RIT2: variants seen among roughly 807,000 people sequenced by gnomAD.
RIT2 encodes the protein Ras like without CAAX 2.
In RIT2, 24 loss-of-function variants were observed where a neutral mutation model predicts 23.7. The ratio of observed to expected loss-of-function variants is 1.01; its 90% CI spans 0.73 to 1.43. The LOEUF is 1.43. Among genes scored for constraint, RIT2 ranks in the 40% most tolerant of loss-of-function variants. RIT2 has a pLI of 0.00. For synonymous variants in RIT2, 107 were observed against 91.1 expected, an observed-to-expected ratio of 1.17 and a Z score of -0.99; for missense variants, 236 against 266.9, an observed-to-expected ratio of 0.88 and a Z score of 0.81.
At chr18:43,083,335 T>A (rs1378479616) in intron 1 of RIT2, among the ~76,000 whole-genome samples, 1 of 152,046 alleles carries the variant, frequency 6.6e-6, no homozygotes, top group Non-Finnish European at 1.5e-5. Flanking sequence ...ATGCTAGACT[T>A]ATCAAGCTAC....
At chr18:42,949,799 TA>T (rs1010624442) in intron 3 of RIT2, among the ~76,000 whole-genome samples, 1 of 151,190 alleles carries the variant, frequency 6.6e-6, no homozygotes, top group Non-Finnish European at 1.5e-5. Context: ...TTTGGTTGAA[TA>T]AAAAAAAATA....
At chr18:42,878,597 G>A (rs1390417487) in intron 4 of RIT2, among the ~76,000 whole-genome samples, 2 of 146,676 alleles carry the variant, frequency 1.4e-5, no homozygotes, top group Non-Finnish European at 3.0e-5. Context: ...GTGTGTGTGT[G>A]TATGTGTGTA....
intron 4 of RIT2, among the ~76,000 whole-genome samples, chr18:42,853,636 T>C (rs1907112648): frequency 6.6e-6 from 1 of 152,214 alleles, no homozygotes; most frequent in Non-Finnish European, 1.5e-5. Context: ...TATTATAATT[T>C]TTATTTGGTC....
chr18:42,905,353 A>G (rs1173789105), intron 4 of RIT2, among the ~76,000 whole-genome samples: 1 of 152,222 alleles, frequency 6.6e-6, no homozygotes, highest in African/African-American at 2.4e-5. Context: ...GTACCTGTAT[A>G]CCTGTAAAAC....
chr18:42,908,913 T>C (rs1908694019), intron 4 of RIT2, among the ~76,000 whole-genome samples: 1 of 152,138 alleles, frequency 6.6e-6, no homozygotes. Flanking sequence ...GAAAACGGTA[T>C]GGTGATTCCT....
intron 4 of RIT2, among the ~76,000 whole-genome samples, chr18:42,772,887 G>A (rs1298992347): frequency 6.6e-6 from 1 of 152,104 alleles, no homozygotes; most frequent in Non-Finnish European, 1.5e-5. Flanking sequence ...TATACATGTT[G>A]CTGCTGCTGC....
At position 43,051,572 on chromosome 18, in the gene RIT2, C is replaced by T. The variant is rs772414281; in HGVS notation, c.104-17705G>A. Among the ~76,000 whole-genome samples, 12 of 151,858 alleles carry T rather than the reference C, an allele frequency of 7.9e-5. No homozygotes were observed. In the East Asian group the frequency reaches 2.1e-3, roughly 27 times the overall value. On this transcript the variant is annotated intron_variant, in intron 1 of 4. Transcript: ENST00000326695. ...AAATTGGACATGTGTGTCTAGAGAT[C>T]GGGAGATGATCCCTCAAATCTTTTC...
chr18:42,941,046 G>A (rs891168485), intron 3 of RIT2, among the ~76,000 whole-genome samples: 8 of 152,180 alleles, frequency 5.3e-5, no homozygotes, highest in Admixed American at 5.2e-4. Context: ...CATGTTGTTT[G>A]GCTTTCTGAC....
At chr18:42,921,600 C>T (rs1173464292) in intron 4 of RIT2, among the ~76,000 whole-genome samples, 1 of 152,038 alleles carries the variant, frequency 6.6e-6, no homozygotes, top group Non-Finnish European at 1.5e-5. Context: ...AAATGTCAGC[C>T]AGCTTTGGAG....
chr18:42,775,407 C>T (rs1156351785), intron 4 of RIT2, among the ~76,000 whole-genome samples: 1 of 152,068 alleles, frequency 6.6e-6, no homozygotes, highest in Non-Finnish European at 1.5e-5. Context: ...TTAATAAATG[C>T]CATACCCGGC....
intron 3 of RIT2, among the ~76,000 whole-genome samples, chr18:42,969,335 A>C (rs994475648): frequency 6.6e-6 from 1 of 152,252 alleles, no homozygotes; most frequent in African/African-American, 2.4e-5. Context: ...ATAAGCCACA[A>C]ACTGGGGAAG....
chr18:43,076,530 A>G (rs1172778178), intron 1 of RIT2, among the ~76,000 whole-genome samples: 1 of 151,342 alleles, frequency 6.6e-6, no homozygotes, highest in Non-Finnish European at 1.5e-5. Flanking sequence ...GGGTGACCAG[A>G]AAAAAAAAGG....
At chr18:42,797,019 C>T (rs1021815991) in intron 4 of RIT2, among the ~76,000 whole-genome samples, 2 of 151,938 alleles carry the variant, frequency 1.3e-5, no homozygotes, top group African/African-American at 4.8e-5. Context: ...TCCATATGTA[C>T]CTATTGGTAA....
intron 4 of RIT2, among the ~76,000 whole-genome samples, chr18:42,905,544 C>G (rs886646348): frequency 1.3e-5 from 2 of 152,178 alleles, no homozygotes; most frequent in African/African-American, 4.8e-5. Flanking sequence ...GCAATCTTGG[C>G]TCACTGCAAC....
chr18:43,068,085 T>A (rs1373713161), intron 1 of RIT2, among the ~76,000 whole-genome samples: 3 of 152,144 alleles, frequency 2.0e-5, no homozygotes, highest in Non-Finnish European at 4.4e-5. Flanking sequence ...GACCTGGAAA[T>A]ACAATTGTAA....
chr18:42,857,909 G>A (rs867670067), intron 4 of RIT2, among the ~76,000 whole-genome samples: 2 of 152,130 alleles, frequency 1.3e-5, no homozygotes, highest in African/African-American at 4.8e-5. Flanking sequence ...GGCTGTGCAC[G>A]GTGGCTCATG....
chr18:43,042,608 C>T lies in RIT2; in HGVS notation c.104-8741G>A, dbSNP rs1912154384. Among the ~76,000 whole-genome samples the T allele has an allele frequency of 2.0e-5, 3 of 152,196 alleles. No homozygotes were observed. In the South Asian group the frequency reaches 6.2e-4, roughly 32 times the overall value. Reference sequence around the variant, plus strand: ...ACTGAATTTAAATCAAAACCCATTCCTCCTCCTTGGAACTCCCTATGTTCC... The same window carrying T: ...ACTGAATTTAAATCAAAACCCATTCTTCCTCCTTGGAACTCCCTATGTTCC... On this transcript the variant is annotated intron_variant, in intron 1 of 4. Transcript: ENST00000326695.
rs755080534 is a variant in RIT2 at position 43,025,942 on chromosome 18, C to CAATATATATA, written c.160+7868_160+7869insTATATATATT. 7.9e-3 allele frequency among the ~76,000 whole-genome samples: 1,203 copies of CAATATATATA among 152,084 alleles called. 3 individuals are homozygous for CAATATATATA. Among genetic ancestry groups the CAATATATATA allele is most frequent in the Middle Eastern group, 0.024 (7 of 294 alleles). ...CAGACTTCACCACTATACAATATAT[C>CAATATATATA]CATGAAACAAAACTGCATTATTACC... On this transcript the variant is annotated intron_variant, in intron 2 of 4. Coordinates refer to ENST00000326695, the MANE Select transcript of RIT2 (RefSeq NM_002930.4).
intron 4 of RIT2, among the ~76,000 whole-genome samples, chr18:42,904,159 T>C (rs551449762): frequency 4.5e-4 from 68 of 152,276 alleles, no homozygotes; most frequent in Non-Finnish European, 8.2e-4. Context: ...ATCAAGTAGA[T>C]TTACATAATG....
Sources: allele counts gnomAD v4.1 joint callset (sites outside exome capture counted in the v4.1 genomes callset), GRCh38; gene constraint gnomAD v4.1.1; transcripts MANE v1.5; gene names NCBI Gene and HGNC (gene_info 2026-07-23, HGNC 2026-07-21).